C12orf42: variants seen among roughly 807,000 people sequenced by gnomAD.
C12orf42 encodes uncharacterized protein C12orf42.
In C12orf42, 25 loss-of-function variants were observed where a neutral mutation model predicts 21.6. The observed-to-expected ratio is 1.16, with a 90% CI of 0.84 to 1.62. The LOEUF (loss-of-function observed/expected upper bound fraction) is 1.62, where lower values mean the gene tolerates loss of function less well. C12orf42 is among the 40% of genes most tolerant of loss of function. C12orf42 has a pLI of 0.00. For synonymous variants in C12orf42, 174 were observed against 175.0 expected (o/e 0.99, Z 0.05); for missense variants, 483 against 459.3 (o/e 1.05, Z -0.47).
At chr12:103,268,726 G>A (rs2035294059) in exon 7 of C12orf42, 1 of 152,146 alleles carries the variant, frequency 6.6e-6, no homozygotes, top group Admixed American at 6.6e-5. Context: ...ATAAGTTTAA[G>A]CTTTGGAGTG....
chr12:103,116,381 A>AT, the C12orf42 span, among the ~76,000 whole-genome samples: 35,956 of 136,124 alleles, frequency 0.26, 5,028 homozygotes, highest in Admixed American at 0.32. Flanking sequence ...AAAAAAAAAA[A>AT]ATATATATAT....
At chr12:103,351,193 C>T (rs2137458438) in intron 4 of C12orf42, among the ~76,000 whole-genome samples, 1 of 152,228 alleles carries the variant, frequency 6.6e-6, no homozygotes, top group East Asian at 1.9e-4. Flanking sequence ...TGAACTGTAA[C>T]AAGTTGAGGT....
chr12:103,361,082 A>G (rs2044059506), intron 4 of C12orf42, among the ~76,000 whole-genome samples: 1 of 152,136 alleles, frequency 6.6e-6, no homozygotes, highest in Non-Finnish European at 1.5e-5. Flanking sequence ...GACTTATATC[A>G]TGAACTTTTA....
intron 4 of C12orf42, among the ~76,000 whole-genome samples, chr12:103,341,764 T>C (rs571862304): frequency 1.5e-4 from 23 of 152,134 alleles, no homozygotes; most frequent in African/African-American, 5.3e-4. Context: ...AAGACATAAA[T>C]AGTATTAAAG....
chr12:103,171,669 A>T, the C12orf42 span, among the ~76,000 whole-genome samples: 5 of 152,124 alleles, frequency 3.3e-5, no homozygotes, highest in African/African-American at 1.2e-4. Context: ...AGACAGTGGT[A>T]TTGAAGTATG....
chr12:103,078,867 C>T, the C12orf42 span, among the ~76,000 whole-genome samples: 9 of 152,220 alleles, frequency 5.9e-5, no homozygotes, highest in South Asian at 2.1e-4. Flanking sequence ...AAAGGGACAC[C>T]GACATCCTAT....
the C12orf42 span, among the ~76,000 whole-genome samples, chr12:103,149,916 T>G: frequency 0.15 from 22,726 of 152,160 alleles, 2,107 homozygotes; most frequent in African/African-American, 0.26. Context: ...TCTTTAAGGT[T>G]TAAATTAGTA....
chr12:103,368,930 A>C lies in C12orf42; in HGVS notation c.216T>G (p.Ser72=), dbSNP rs763110201. ...SRFINHMKNF[S]ESPKFRSLHF... ...GTAGACTACGAAATTTAGGAGATTCAGAGAAATTCTTCATGTGATTAATGA... is the reference window on the plus strand; with the variant it reads ...GTAGACTACGAAATTTAGGAGATTCCGAGAAATTCTTCATGTGATTAATGA... Residue 72 remains serine, a synonymous_variant, in exon 4 of 6, where the codon TCT becomes TCG. Coordinates refer to ENST00000548883, the MANE Select transcript of C12orf42 (RefSeq NM_198521.5). 12 of 1,597,446 alleles carry C rather than the reference A, an allele frequency of 7.5e-6. No individual in the cohort carries two copies. The East Asian group carries it at 2.7e-4, about 36-fold the overall frequency.
In C12orf42 at chr12:103,322,838, A is replaced by T. The variant is rs550758544; in HGVS notation, c.260-16493T>A. Among the ~76,000 whole-genome samples the T allele has an allele frequency of 2.0e-5, 3 of 152,296 alleles. No individual in the cohort carries two copies. In the South Asian group the frequency reaches 6.2e-4, roughly 32 times the overall value. The stretch of plus-strand genomic sequence containing the variant: ...AAAGATACTTTGATAAGTTGTGAAG[A>T]CTTGTTTTATCCTCATAAATATGGC... On this transcript the variant is annotated intron_variant, in intron 4 of 5. Transcript: ENST00000548883.
chr12:103,359,847 A>G (rs1297456067), intron 4 of C12orf42, among the ~76,000 whole-genome samples: 3 of 151,934 alleles, frequency 2.0e-5, no homozygotes, highest in Non-Finnish European at 4.4e-5. Context: ...GTTGTTTAAC[A>G]GGTGATCGAT....
chr12:103,325,138 A>G (rs543738780), intron 4 of C12orf42, among the ~76,000 whole-genome samples: 20 of 152,334 alleles, frequency 1.3e-4, no homozygotes, highest in African/African-American at 4.6e-4. Context: ...ATGCATGAAA[A>G]TTAAATTTAG....
intron 2 of C12orf42, among the ~76,000 whole-genome samples, chr12:103,467,881 CTCTTT>C (rs1277760961): frequency 1.3e-5 from 2 of 152,050 alleles, no homozygotes; most frequent in Non-Finnish European, 2.9e-5. Context: ...GCTTGTTTTT[CTCTTT>C]TCTTTACATA....
intron 2 of C12orf42, among the ~76,000 whole-genome samples, chr12:103,433,549 A>G (rs762766629): frequency 6.6e-6 from 1 of 152,208 alleles, no homozygotes; most frequent in African/African-American, 2.4e-5. Flanking sequence ...AGATCTAACT[A>G]CCCATTTGTA....
Position 103,309,993 on chromosome 12 carries a change from AT to A in C12orf42, c.260-3649del, listed in dbSNP as rs530175574. Among the ~76,000 whole-genome samples the A allele has an allele frequency of 5.3e-5, 8 of 152,348 alleles. No homozygotes were observed. In the South Asian group the frequency reaches 1.7e-3, roughly 32 times the overall value. On this transcript the variant is annotated intron_variant, in intron 4 of 5. Transcript: ENST00000548883. ...AAGGGGCCAGAGACCTTCAGATCCT[AT>A]CTTTTATTGCCATGAGAGAATGTGG...
At chr12:103,128,916 C>A in the C12orf42 span, among the ~76,000 whole-genome samples, 1 of 152,120 alleles carries the variant, frequency 6.6e-6, no homozygotes, top group Non-Finnish European at 1.5e-5. Flanking sequence ...GAAATATTAT[C>A]TTCTTTTTTG....
chr12:103,507,946 G>T, the C12orf42 span, among the ~76,000 whole-genome samples: 2 of 152,120 alleles, frequency 1.3e-5, no homozygotes, highest in African/African-American at 2.4e-5. Context: ...CCCGACTACC[G>T]TAGCTATTCA....
the C12orf42 span, among the ~76,000 whole-genome samples, chr12:103,104,731 C>A: frequency 6.6e-6 from 1 of 152,220 alleles, no homozygotes; most frequent in Admixed American, 6.5e-5. Flanking sequence ...CCGCGCCTGG[C>A]CGGGTTTTCC....
chr12:103,068,102 G>A, the C12orf42 span, among the ~76,000 whole-genome samples: 4 of 152,178 alleles, frequency 2.6e-5, no homozygotes, highest in Non-Finnish European at 5.9e-5. Context: ...ATAATACAGA[G>A]TGGGTAGTAG....
chr12:103,149,116 G>C, the C12orf42 span, among the ~76,000 whole-genome samples: 8 of 152,214 alleles, frequency 5.3e-5, no homozygotes, highest in Non-Finnish European at 1.0e-4. Flanking sequence ...CTATTTTGGG[G>C]TCCAATGGAA....
Sources: allele counts gnomAD v4.1 joint callset (sites outside exome capture counted in the v4.1 genomes callset), GRCh38; gene constraint gnomAD v4.1.1; transcripts MANE v1.5; gene names NCBI Gene and HGNC (gene_info 2026-07-23, HGNC 2026-07-21).